CCSER1: variants seen among roughly 807,000 people sequenced by gnomAD.
The protein encoded by CCSER1 is coiled-coil serine rich protein 1, also known as serine-rich coiled-coil domain-containing protein 1.
A neutral mutation model predicts 82.0 loss-of-function variants in CCSER1; 41 were observed. The observed-to-expected ratio is 0.50, with a 90% CI of 0.39 to 0.65. The LOEUF (loss-of-function observed/expected upper bound fraction) is 0.65, where lower values mean the gene tolerates loss of function less well. Ranked by LOEUF, CCSER1 falls within the 30% of genes least tolerant of loss-of-function variation. The probability of loss-of-function intolerance (pLI) is 0.00; values close to 1 mark genes in which losing one functional copy is unlikely to be tolerated. For missense variants in CCSER1, 1,119 were observed against 1,064.2 expected, an observed-to-expected ratio of 1.05 and a Z score of -0.72; for synonymous variants, 414 against 383.9, an observed-to-expected ratio of 1.08 and a Z score of -0.92.
intron 8 of CCSER1, among the ~76,000 whole-genome samples, chr4:90,854,362 G>T (rs1455169359): frequency 6.6e-6 from 1 of 152,138 alleles, no homozygotes; most frequent in African/African-American, 2.4e-5. Flanking sequence ...CCAAGTAGGT[G>T]TTTCATGCAA....
chr4:91,336,519 G>A (rs1028742499), intron 10 of CCSER1, among the ~76,000 whole-genome samples: 15 of 152,032 alleles, frequency 9.9e-5, no homozygotes, highest in Admixed American at 9.8e-4. Context: ...TTGATAAAAT[G>A]TTCCTTCTAT....
At chr4:90,892,695 T>G (rs1322680559) in intron 8 of CCSER1, among the ~76,000 whole-genome samples, 1 of 152,082 alleles carries the variant, frequency 6.6e-6, no homozygotes, top group Non-Finnish European at 1.5e-5. Context: ...GTAGGCCGAT[T>G]TTATTATTGA....
At chr4:90,498,684 C>G (rs980477271) in intron 5 of CCSER1, among the ~76,000 whole-genome samples, 1 of 152,070 alleles carries the variant, frequency 6.6e-6, no homozygotes, top group Non-Finnish European at 1.5e-5. Flanking sequence ...AATTCTAAGT[C>G]TTGTCTGTGT....
At chr4:91,247,125 C>T (rs1333131259) in intron 10 of CCSER1, among the ~76,000 whole-genome samples, 1 of 151,818 alleles carries the variant, frequency 6.6e-6, no homozygotes, top group South Asian at 2.1e-4. Flanking sequence ...CACGGTGAAA[C>T]CCTGTCTCTA....
intron 4 of CCSER1, among the ~76,000 whole-genome samples, chr4:90,401,767 G>C (rs1752907797): frequency 6.6e-6 from 1 of 152,122 alleles, no homozygotes; most frequent in South Asian, 2.1e-4. Flanking sequence ...AGGCTCAAAA[G>C]ATCCACTTGC....
chr4:90,841,938 T>C (rs1032980365), intron 8 of CCSER1, among the ~76,000 whole-genome samples: 2 of 152,218 alleles, frequency 1.3e-5, no homozygotes, highest in South Asian at 4.1e-4. Context: ...GACTCACAAA[T>C]AGGAACTTAT....
intron 7 of CCSER1, chr4:90,781,325 T>C: frequency 1.0e-6 from 1 of 985,284 alleles, no homozygotes; most frequent in Non-Finnish European, 1.2e-6. Context: ...TAGTGATTCA[T>C]CAAATATGAA....
intron 10 of CCSER1, among the ~76,000 whole-genome samples, chr4:91,324,743 T>C (rs181051962): frequency 3.3e-4 from 51 of 152,248 alleles, no homozygotes; most frequent in East Asian, 1.4e-3. Flanking sequence ...CTAGAGTTAA[T>C]TGAGGGCCTT....
At chr4:90,600,958 ATTT>A (rs963746314) in intron 5 of CCSER1, among the ~76,000 whole-genome samples, 1 of 130,950 alleles carries the variant, frequency 7.6e-6, no homozygotes, top group Non-Finnish European at 1.6e-5. Context: ...TAGTGATATT[ATTT>A]TATTTCAAAT....
At chr4:91,456,114 G>T (rs1419894182) in intron 10 of CCSER1, among the ~76,000 whole-genome samples, 1 of 152,084 alleles carries the variant, frequency 6.6e-6, no homozygotes, top group African/African-American at 2.4e-5. Context: ...GAGGTTAGAA[G>T]TCTGAGTTCC....
intron 8 of CCSER1, among the ~76,000 whole-genome samples, chr4:90,921,782 C>T (rs1414665099): frequency 1.3e-5 from 2 of 151,874 alleles, no homozygotes; most frequent in East Asian, 1.9e-4. Context: ...ATATAATTAC[C>T]GATTTGCAAC....
At chr4:91,083,780 G>A (rs1723067969) in intron 9 of CCSER1, among the ~76,000 whole-genome samples, 2 of 152,128 alleles carry the variant, frequency 1.3e-5, no homozygotes, top group Non-Finnish European at 2.9e-5. Context: ...CAATGAACTT[G>A]AAGGTGTAAC....
intron 7 of CCSER1, among the ~76,000 whole-genome samples, chr4:90,805,475 T>C (rs1757387143): frequency 6.6e-6 from 1 of 152,168 alleles, no homozygotes; most frequent in South Asian, 2.1e-4. Context: ...TAACTGACCA[T>C]GATGGAAGGC....
chr4:91,251,971 A>G (rs1377238102), intron 10 of CCSER1, among the ~76,000 whole-genome samples: 1 of 152,194 alleles, frequency 6.6e-6, no homozygotes, highest in African/African-American at 2.4e-5. Context: ...AAGGACATGA[A>G]TATAACCATC....
At chr4:90,857,932 A>G (rs1166211455) in intron 8 of CCSER1, among the ~76,000 whole-genome samples, 14 of 152,102 alleles carry the variant, frequency 9.2e-5, no homozygotes, top group African/African-American at 3.4e-4. Context: ...ATGATGTACA[A>G]GTTAATTTGT....
rs555342485 is a variant in CCSER1 at position 91,175,376 on chromosome 4, C to T, written c.2217+89382C>T. 3.6e-4 allele frequency among the ~76,000 whole-genome samples: 55 copies of T among 152,200 alleles called. No individual in the cohort carries two copies. In the East Asian group the frequency reaches 9.7e-3, roughly 27 times the overall value. On this transcript the variant is annotated intron_variant, in intron 10 of 10. Transcript: ENST00000509176. ...CTGGCTCAAATGGTATTTCTAGTTC[C>T]AGATCCTTGAGGAATCGCCACACTG...
chr4:91,300,806 TATATG>T (rs969501513), intron 10 of CCSER1, among the ~76,000 whole-genome samples: 2 of 151,932 alleles, frequency 1.3e-5, no homozygotes, highest in African/African-American at 4.8e-5. Context: ...ACATGAATGA[TATATG>T]ATATATTTGA....
intron 6 of CCSER1, among the ~76,000 whole-genome samples, chr4:90,637,576 C>G (rs1725656127): frequency 6.6e-6 from 1 of 152,054 alleles, no homozygotes; most frequent in Non-Finnish European, 1.5e-5. Context: ...CAAGGCCATT[C>G]AAAGTATCAT....
chr4:91,088,996 CCT>C (rs1187836587), intron 10 of CCSER1, among the ~76,000 whole-genome samples: 8 of 151,976 alleles, frequency 5.3e-5, no homozygotes, highest in African/African-American at 1.9e-4. Context: ...TCTGTGTGTG[CCT>C]GTAGCAGGAC....
Sources: allele counts gnomAD v4.1 joint callset (sites outside exome capture counted in the v4.1 genomes callset), GRCh38; gene constraint gnomAD v4.1.1; transcripts MANE v1.5; gene names NCBI Gene and HGNC (gene_info 2026-07-23, HGNC 2026-07-21).